Variants in NME7 observed in about 807,000 individuals in gnomAD.
NME7 encodes NME/NM23 family member 7, also known as nucleoside diphosphate kinase 7.
In NME7, 41 loss-of-function variants were observed where a neutral mutation model predicts 49.1. The observed-to-expected ratio is 0.83, with a 90% CI of 0.65 to 1.08. NME7 has a LOEUF of 1.08. NME7 is among the 50% of genes least tolerant of loss of function. The pLI is 0.00. For synonymous variants in NME7, 139 were observed against 150.6 expected (o/e 0.92, Z 0.56); for missense variants, 423 against 463.4 (o/e 0.91, Z 0.80).
chr1:169,315,980 A>T (rs543093339), intron 3 of NME7, among the ~76,000 whole-genome samples: 1 of 152,224 alleles, frequency 6.6e-6, no homozygotes, highest in Admixed American at 6.5e-5. Flanking sequence ...CCATCAACTT[A>T]GAATTGTGTG....
chr1:169,330,321 G>A (rs530212647), intron 1 of NME7, among the ~76,000 whole-genome samples: 9 of 152,254 alleles, frequency 5.9e-5, no homozygotes, highest in East Asian at 1.9e-4. Flanking sequence ...TAACTGTGGC[G>A]TATAGAGAAA....
intron 10 of NME7, among the ~76,000 whole-genome samples, chr1:169,229,199 G>C (rs1571308486): frequency 1.3e-5 from 2 of 152,168 alleles, no homozygotes; most frequent in East Asian, 3.9e-4. Flanking sequence ...ATCTCTACCA[G>C]AATTCTCTAC....
chr1:169,197,718 G>T (rs1271459771), intron 10 of NME7, among the ~76,000 whole-genome samples: 1 of 151,986 alleles, frequency 6.6e-6, no homozygotes, highest in African/African-American at 2.4e-5. Flanking sequence ...CACTCAAAAT[G>T]AATAAAAGGC....
intron 5 of NME7, among the ~76,000 whole-genome samples, chr1:169,300,225 A>C: frequency 6.6e-6 from 1 of 152,170 alleles, no homozygotes; most frequent in East Asian, 1.9e-4. Context: ...AGGAGTTGTA[A>C]GTTAATGCTA....
At chr1:169,232,954 C>G (rs1446386579) in intron 9 of NME7, among the ~76,000 whole-genome samples, 1 of 66,568 alleles carries the variant, frequency 1.5e-5, no homozygotes, top group Non-Finnish European at 2.7e-5. Flanking sequence ...GAGTTTTGCT[C>G]TGTTGCCCAG....
intron 8 of NME7, among the ~76,000 whole-genome samples, chr1:169,237,144 G>C (rs1481398722): frequency 1.3e-5 from 2 of 151,918 alleles, no homozygotes; most frequent in Admixed American, 1.3e-4. Flanking sequence ...AGAGTTGCTA[G>C]AATACACTAA....
chr1:169,288,282 G>A (rs1252445311), intron 6 of NME7, among the ~76,000 whole-genome samples: 1 of 152,052 alleles, frequency 6.6e-6, no homozygotes, highest in East Asian at 1.9e-4. Context: ...AGGACCCCTA[G>A]CACCTAAAAC....
chr1:169,222,344 C>T (rs1416475222), intron 10 of NME7, among the ~76,000 whole-genome samples: 1 of 152,108 alleles, frequency 6.6e-6, no homozygotes, highest in African/African-American at 2.4e-5. Flanking sequence ...GCCTGGCACA[C>T]AGTAGGCACT....
rs991799197 is a variant in NME7, at chr1:169,360,544, A to T, written c.3+7164T>A. 7.2e-5 allele frequency among the ~76,000 whole-genome samples: 11 copies of T among 151,898 alleles called. 1 individual carries two copies. The highest frequency in any genetic ancestry group is 5.9e-4 in the Admixed American group (9 of 15,230). On this transcript the variant is annotated intron_variant, in intron 1 of 11. Transcript: ENST00000367811. The stretch of plus-strand genomic sequence containing the variant: ...TTCCTGGCTCCTTCCTGCCTCTCAG[A>T]TCTCTTCTCCTCCAGCTGTCCTCTC...
intron 11 of NME7, among the ~76,000 whole-genome samples, chr1:169,157,223 C>T (rs912429630): frequency 6.6e-6 from 1 of 152,018 alleles, no homozygotes; most frequent in Non-Finnish European, 1.5e-5. Context: ...GTGCACTGTC[C>T]CCATTCATGA....
intron 1 of NME7, among the ~76,000 whole-genome samples, chr1:169,327,219 A>G (rs1652091850): frequency 6.6e-6 from 1 of 152,176 alleles, no homozygotes; most frequent in African/African-American, 2.4e-5. Context: ...GAATGCCACA[A>G]CCTAATGATT....
intron 1 of NME7, among the ~76,000 whole-genome samples, 184 bp from the exon 2 acceptor site, chr1:169,324,684 A>T (rs1245536711): frequency 1.3e-5 from 2 of 152,226 alleles, no homozygotes; most frequent in Non-Finnish European, 2.9e-5. Flanking sequence ...TTTCCTTTCA[A>T]TTTCTCACTA....
intron 6 of NME7, among the ~76,000 whole-genome samples, chr1:169,291,674 A>G (rs1025090319): frequency 6.6e-6 from 1 of 151,952 alleles, no homozygotes; most frequent in Non-Finnish European, 1.5e-5. Flanking sequence ...AATAATAAAA[A>G]GAAATAGACA....
At chr1:169,303,064 A>T (rs1022896895) in intron 5 of NME7, 81 bp downstream of exon 5, 1 of 899,578 alleles carries the variant, frequency 1.1e-6, no homozygotes, top group Non-Finnish European at 1.8e-6. Context: ...ATTCTCAAGT[A>T]ATAAATTTTA....
intron 10 of NME7, among the ~76,000 whole-genome samples, chr1:169,195,292 G>C (rs1158904504): frequency 6.6e-6 from 1 of 152,138 alleles, no homozygotes; most frequent in East Asian, 1.9e-4. Flanking sequence ...GCTCACTGCA[G>C]CCTCAAACTC....
chr1:169,218,143 C>A (rs1323011471), intron 10 of NME7, among the ~76,000 whole-genome samples: 1 of 152,176 alleles, frequency 6.6e-6, no homozygotes, highest in Non-Finnish European at 1.5e-5. Context: ...GGTGGCTTAA[C>A]TGCTTTTTTC....
intron 10 of NME7, among the ~76,000 whole-genome samples, chr1:169,202,306 C>A (rs931064084): frequency 6.6e-6 from 1 of 152,032 alleles, no homozygotes; most frequent in Admixed American, 6.6e-5. Flanking sequence ...ACTCTGAGTT[C>A]AAAGGCGATC....
intron 1 of NME7, among the ~76,000 whole-genome samples, chr1:169,353,249 C>A (rs1384647818): frequency 6.6e-6 from 1 of 151,988 alleles, no homozygotes; most frequent in Admixed American, 6.6e-5. Flanking sequence ...CATACATCTA[C>A]AATGAACTCA....
Position 169,208,949 on chromosome 1 carries a change from CATCT to C in NME7, c.990+21765_990+21768del, listed in dbSNP as rs536615573. ...TTATAAAGAATGTGTTTCCATAGTCCATCTGTTTTTAGATTTTAGTCAATTAATT... is the reference window on the plus strand; with the variant it reads ...TTATAAAGAATGTGTTTCCATAGTCCGTTTTTAGATTTTAGTCAATTAATT... On this transcript the variant is annotated intron_variant, in intron 10 of 11. Transcript: ENST00000367811. 6.2e-4 allele frequency among the ~76,000 whole-genome samples: 95 copies of C among 152,102 alleles called. No individual in the cohort carries two copies. The South Asian group carries it at 0.015, about 24-fold the overall frequency.
Sources: allele counts gnomAD v4.1 joint callset (sites outside exome capture counted in the v4.1 genomes callset), GRCh38; gene constraint gnomAD v4.1.1; transcripts MANE v1.5; gene names NCBI Gene and HGNC (gene_info 2026-07-23, HGNC 2026-07-21).